AGPAT5: variants seen among roughly 807,000 people sequenced by gnomAD.
AGPAT5 encodes 1-acyl-sn-glycerol-3-phosphate acyltransferase epsilon.
Under a neutral mutation model 45.6 loss-of-function variants are expected in AGPAT5, and 46 were observed. The observed-to-expected ratio is 1.01, with a 90% confidence interval of 0.80 to 1.29. The LOEUF (loss-of-function observed/expected upper bound fraction) is 1.29, where lower values mean the gene tolerates loss of function less well. AGPAT5 is among the 50% of genes most tolerant of loss of function. AGPAT5 has a pLI of 0.00. For synonymous variants in AGPAT5, 272 were observed against 167.0 expected, an observed-to-expected ratio of 1.63 and a Z score of -4.85; for missense variants, 673 against 450.7, an observed-to-expected ratio of 1.49 and a Z score of -4.47.
intron 5 of AGPAT5, chr8:6,745,022 G>A (rs1801388652): frequency 1.3e-5 from 2 of 152,394 alleles, no homozygotes; most frequent in African/African-American, 2.4e-5. Context: ...ACTACCTCAT[G>A]GTTTTCACGG....
At chr8:6,752,789 C>T (rs181659759) in intron 6 of AGPAT5, among the ~76,000 whole-genome samples, 1 of 152,262 alleles carries the variant, frequency 6.6e-6, no homozygotes, top group African/African-American at 2.4e-5. Context: ...ATAGTTTTTG[C>T]AAATGTGGAT....
At chr8:6,729,942 TTGC>T (rs1800807791) in intron 2 of AGPAT5, among the ~76,000 whole-genome samples, 1 of 152,226 alleles carries the variant, frequency 6.6e-6, no homozygotes, top group South Asian at 2.1e-4. Flanking sequence ...CTTTGTTTGA[TTGC>T]TGTCCTAACC....
intron 1 of AGPAT5, among the ~76,000 whole-genome samples, chr8:6,723,227 A>AAAACTGAT (rs1341536709): frequency 4.6e-5 from 7 of 152,212 alleles, no homozygotes; most frequent in African/African-American, 1.7e-4. Flanking sequence ...CTTGGGGTAG[A>AAAACTGAT]AAACTGATCA....
intron 5 of AGPAT5, 125 bp from the exon 6 acceptor site, chr8:6,747,545 A>T: frequency 1.1e-6 from 1 of 881,794 alleles, no homozygotes; most frequent in Non-Finnish European, 1.7e-6. Flanking sequence ...TAAATATATG[A>T]GGTTGTGGAA....
chr8:6,732,410 G>A (rs1270317307), intron 3 of AGPAT5, 151 bp from the exon 4 acceptor site: 1 of 485,310 alleles, frequency 2.1e-6, no homozygotes, highest in Non-Finnish European at 3.5e-6. Context: ...ATGTTCTTTA[G>A]AAGCTAATGT....
intron 5 of AGPAT5, among the ~76,000 whole-genome samples, chr8:6,744,000 A>T (rs1197023287): frequency 4.6e-5 from 7 of 152,074 alleles, no homozygotes; most frequent in Non-Finnish European, 1.0e-4. Context: ...CTACAAAGCA[A>T]TTTTTTTCTT....
chr8:6,719,955 G>T (rs1332665014), intron 1 of AGPAT5, among the ~76,000 whole-genome samples: 1 of 152,210 alleles, frequency 6.6e-6, no homozygotes, highest in Non-Finnish European at 1.5e-5. Context: ...CTCGATTGAA[G>T]AGAAGACCAA....
chr8:6,720,097 G>C (rs1275498729), intron 1 of AGPAT5, among the ~76,000 whole-genome samples: 1 of 152,176 alleles, frequency 6.6e-6, no homozygotes, highest in Non-Finnish European at 1.5e-5. Context: ...ATATGATGTA[G>C]TGGAAGAAGT....
At chr8:6,748,345 A>G (rs1249281842) in intron 6 of AGPAT5, among the ~76,000 whole-genome samples, 1 of 152,210 alleles carries the variant, frequency 6.6e-6, no homozygotes, top group Non-Finnish European at 1.5e-5. Flanking sequence ...AGTGAGCAGG[A>G]TAACTTAGTT....
At chr8:6,740,208 T>C (rs1267798566) in intron 4 of AGPAT5, among the ~76,000 whole-genome samples, 2 of 152,070 alleles carry the variant, frequency 1.3e-5, no homozygotes, top group African/African-American at 4.8e-5. Context: ...ATAATCGTTT[T>C]ATTTATAAAT....
In AGPAT5 at chr8:6,757,279, G is replaced by C. The variant is rs149363545; in HGVS notation, c.986G>C (p.Ser329Thr). Reference protein sequence around the residue: ...KKTLPSMLILSGLTAGMLMTD... With the variant: ...KKTLPSMLILTGLTAGMLMTD... ...ACTTTACCATCAATGTTGATCTTAA[G>C]TGGTTTGACTGCAGGCATGCTTATG... The change falls in exon 8 of 8, where the codon AGT becomes ACT. Residue 329 changes from serine (S) to threonine (T), a missense_variant. Ser to Thr is a moderately conservative substitution (Grantham distance 58). Transcript: ENST00000285518. 6.2e-6 allele frequency: 10 copies of C among 1,614,170 alleles called. No individual in the cohort carries two copies. In the African/African-American group the frequency reaches 1.2e-4, roughly 19 times the overall value.
Position 6,757,589 on chromosome 8 carries a change from G to C in AGPAT5, c.*201G>C. Reference sequence around the variant, plus strand: ...ACCTGGTTGTACAACTTTAGCATCGGGGCTGCTGGAAGGGTAAAAGCTAAA... The same window carrying C: ...ACCTGGTTGTACAACTTTAGCATCGCGGCTGCTGGAAGGGTAAAAGCTAAA... On this transcript the variant is annotated 3_prime_UTR_variant, in exon 8 of 8. Transcript: ENST00000285518. 1 of 542,488 alleles carries C rather than the reference G, an allele frequency of 1.8e-6. No homozygotes were observed. The highest frequency in any genetic ancestry group is 2.4e-5 in the South Asian group (1 of 41,126). 33.6% of individuals were successfully genotyped at this position (542,488 alleles called of 1,614,324 possible).
At position 6,760,648 on chromosome 8, in the gene AGPAT5, A is replaced by T. The variant is rs1265961082; in HGVS notation, c.*3260A>T. On this transcript the variant is annotated 3_prime_UTR_variant, in exon 8 of 8. Coordinates refer to ENST00000285518, the MANE Select transcript of AGPAT5 (RefSeq NM_018361.5). ...CGTATCTGGTGGAAAGCTACAATGCAATGTCGTTGTAGTTTTGCATGGCTT... is the reference window on the plus strand; with the variant it reads ...CGTATCTGGTGGAAAGCTACAATGCTATGTCGTTGTAGTTTTGCATGGCTT... 3.9e-5 allele frequency among the ~76,000 whole-genome samples: 6 copies of T among 152,198 alleles called. No homozygotes were observed. Among genetic ancestry groups the T allele is most frequent in the Non-Finnish European group, 1.5e-5 (1 of 68,024 alleles).
At chr8:6,728,780 G>C (rs575536145) in intron 2 of AGPAT5, among the ~76,000 whole-genome samples, 1 of 152,136 alleles carries the variant, frequency 6.6e-6, no homozygotes, top group Non-Finnish European at 1.5e-5. Context: ...TTTGCATTTG[G>C]TACAGGTATA....
chr8:6,760,251 G>A lies in AGPAT5; in HGVS notation c.*2863G>A, dbSNP rs181158331. Among the ~76,000 whole-genome samples, 16 of 152,188 alleles carry A rather than the reference G, an allele frequency of 1.1e-4. No individual in the cohort carries two copies. The highest frequency in any genetic ancestry group is 3.6e-4 in the African/African-American group (15 of 41,544). ...CAAAAAAATTAAAAAAAATTAGCCAGGCATGGTGGCGTACACTGAGTAGTT... is the reference window on the plus strand; with the variant it reads ...CAAAAAAATTAAAAAAAATTAGCCAAGCATGGTGGCGTACACTGAGTAGTT... On this transcript the variant is annotated 3_prime_UTR_variant, in exon 8 of 8. Coordinates refer to ENST00000285518, the MANE Select transcript of AGPAT5 (RefSeq NM_018361.5).
At chr8:6,731,746 T>TAA (rs11306563) in intron 3 of AGPAT5, among the ~76,000 whole-genome samples, 1 of 145,408 alleles carries the variant, frequency 6.9e-6, no homozygotes, top group African/African-American at 2.5e-5. Context: ...TGTATGATAT[T>TAA]AAAAAAAAAA....
chr8:6,717,607 G>C (rs544264167), intron 1 of AGPAT5, among the ~76,000 whole-genome samples: 1 of 152,300 alleles, frequency 6.6e-6, no homozygotes, highest in East Asian at 1.9e-4. Context: ...AGGAAATAAA[G>C]GAGGAATACA....
intron 1 of AGPAT5, among the ~76,000 whole-genome samples, chr8:6,722,365 C>G (rs567726910): frequency 1.3e-5 from 2 of 152,316 alleles, no homozygotes; most frequent in African/African-American, 4.8e-5. Context: ...TGATCTCTTT[C>G]AACAGCATCA....
intron 4 of AGPAT5, among the ~76,000 whole-genome samples, chr8:6,733,428 G>A (rs1044189679): frequency 6.6e-6 from 1 of 152,198 alleles, no homozygotes; most frequent in Non-Finnish European, 1.5e-5. Flanking sequence ...GTCAGCTGGC[G>A]AAGTGCCTGG....
Sources: allele counts gnomAD v4.1 joint callset (sites outside exome capture counted in the v4.1 genomes callset), GRCh38; gene constraint gnomAD v4.1.1; transcripts MANE v1.5; gene names NCBI Gene and HGNC (gene_info 2026-07-23, HGNC 2026-07-21).